The following IQGAP1 variants were observed in gnomAD, a reference collection of about 807,000 sequenced individuals.
IQGAP1 encodes the protein ras GTPase-activating-like protein IQGAP1.
IQGAP1 carries 66 observed loss-of-function variants against 215.6 expected under a neutral mutation model. The ratio of observed to expected loss-of-function variants is 0.31; its 90% CI spans 0.25 to 0.38. IQGAP1 has a LOEUF of 0.38. Among genes scored for constraint, IQGAP1 ranks in the 10% least tolerant of loss-of-function variants. The probability of loss-of-function intolerance (pLI) is 1.00; values close to 1 mark genes in which losing one functional copy is unlikely to be tolerated. For synonymous variants in IQGAP1, 772 were observed against 728.7 expected (o/e 1.06, Z -0.96); for missense variants, 1,712 against 1,997.1 (o/e 0.86, Z 2.72).
intron 2 of IQGAP1, among the ~76,000 whole-genome samples, chr15:90,413,577 G>A (rs1269674799): frequency 2.0e-4 from 30 of 152,186 alleles, no homozygotes; most frequent in Admixed American, 1.9e-3. Flanking sequence ...AGGGAGTTTC[G>A]GCATGGCATT....
At chr15:90,472,801 G>T (rs777935459) in intron 18 of IQGAP1, 39 bp from the exon 19 acceptor site, 1 of 1,567,706 alleles carries the variant, frequency 6.4e-7, no homozygotes, top group South Asian at 1.2e-5. Context: ...ATCCATTCTT[G>T]CCTGTGAATG....
intron 35 of IQGAP1, among the ~76,000 whole-genome samples, chr15:90,493,358 C>T (rs555852890): frequency 1.3e-5 from 2 of 152,276 alleles, no homozygotes; most frequent in African/African-American, 4.8e-5. Flanking sequence ...CCTCTCTATA[C>T]TTCCTGGGGA....
chr15:90,492,507 C>A, intron 34 of IQGAP1, 38 bp from the exon 35 acceptor site: 1 of 1,499,312 alleles, frequency 6.7e-7, no homozygotes, highest in South Asian at 1.2e-5. Flanking sequence ...ATAATGATAA[C>A]TGTCGTTATT....
At chr15:90,491,759 T>C in intron 34 of IQGAP1, 1 of 541,554 alleles carries the variant, frequency 1.8e-6, no homozygotes, top group Non-Finnish European at 3.3e-6. Context: ...GGACCTTAAC[T>C]GGAGCCTCCT....
At chr15:90,481,269 C>CTTTT (rs57452745) in intron 26 of IQGAP1, among the ~76,000 whole-genome samples, 2 of 113,178 alleles carry the variant, frequency 1.8e-5, no homozygotes, top group Non-Finnish European at 3.7e-5. Flanking sequence ...CTCTCTGCCT[C>CTTTT]TTTTTTTTTT....
chr15:90,462,988 G>A (rs1277483360), intron 15 of IQGAP1, among the ~76,000 whole-genome samples: 1 of 152,084 alleles, frequency 6.6e-6, no homozygotes, highest in Admixed American at 6.5e-5. Flanking sequence ...TTTACCAGAA[G>A]GATTTGGGTT....
chr15:90,451,266 G>A (rs1965600369), intron 11 of IQGAP1, among the ~76,000 whole-genome samples: 1 of 152,186 alleles, frequency 6.6e-6, no homozygotes. Flanking sequence ...GATACTTGAA[G>A]TGGGGTAATT....
chr15:90,483,515 C>T lies in IQGAP1; in HGVS notation c.3710C>T (p.Ser1237Phe), dbSNP rs1302934447. 6.2e-7 allele frequency: 1 copy of T among 1,614,150 alleles called. No homozygotes were observed. The highest frequency in any genetic ancestry group is 2.2e-5 in the East Asian group (1 of 44,890). The change falls in exon 29 of 38, where the codon TCC (serine) becomes TTC (phenylalanine). Residue 1237 changes from serine to phenylalanine, a missense_variant. This residue lies in a region of IQGAP1 where 691 missense variants were observed against 923.0 expected (regional missense o/e 0.75). Transcript: ENST00000268182. ...GCAAAAATGCTTCAGCATGCTGCTT[C>T]CAATAAGATGTTTCTGGGAGATAAT... Reference protein sequence around the residue: ...SIAKMLQHAASNKMFLGDNAH... With the variant: ...SIAKMLQHAAFNKMFLGDNAH...
chr15:90,453,905 A>G (rs927735667), intron 13 of IQGAP1, among the ~76,000 whole-genome samples: 1 of 152,202 alleles, frequency 6.6e-6, no homozygotes, highest in Non-Finnish European at 1.5e-5. Flanking sequence ...TTTTCCCACC[A>G]TCCCACCATT....
At chr15:90,454,813 A>G (rs2052872215) in intron 14 of IQGAP1, among the ~76,000 whole-genome samples, 1 of 152,250 alleles carries the variant, frequency 6.6e-6, no homozygotes, top group Admixed American at 6.5e-5. Context: ...TATAACAAGT[A>G]GTCCTGACAC....
intron 15 of IQGAP1, among the ~76,000 whole-genome samples, chr15:90,463,772 T>A (rs759347777): frequency 3.3e-5 from 5 of 152,220 alleles, no homozygotes; most frequent in African/African-American, 4.8e-5. Flanking sequence ...GGCCAGCACC[T>A]ACCATAATTA....
chr15:90,462,504 G>A (rs974455493), intron 15 of IQGAP1, among the ~76,000 whole-genome samples: 25 of 152,190 alleles, frequency 1.6e-4, no homozygotes, highest in Non-Finnish European at 3.5e-4. Context: ...GTGTGTTTAT[G>A]TGTGTATGTG....
At chr15:90,422,500 G>A (rs1965151236) in intron 2 of IQGAP1, among the ~76,000 whole-genome samples, 1 of 151,254 alleles carries the variant, frequency 6.6e-6, no homozygotes, top group Admixed American at 6.6e-5. Flanking sequence ...TAAGATAGGT[G>A]ACTTATTAAG....
intron 15 of IQGAP1, among the ~76,000 whole-genome samples, chr15:90,463,179 C>G (rs550940777): frequency 1.3e-4 from 20 of 152,272 alleles, no homozygotes; most frequent in African/African-American, 4.6e-4. Context: ...GCCTTTCATA[C>G]TATTGCTCTA....
intron 2 of IQGAP1, among the ~76,000 whole-genome samples, chr15:90,406,190 C>G (rs74916059): frequency 0.014 from 2,116 of 152,286 alleles, 40 homozygotes; most frequent in African/African-American, 0.048. Context: ...TTGTCAGATG[C>G]ATAACTTATG....
chr15:90,399,146 A>G (rs1436440844), intron 2 of IQGAP1, among the ~76,000 whole-genome samples: 1 of 150,494 alleles, frequency 6.6e-6, no homozygotes, highest in East Asian at 1.9e-4. Context: ...TTTTTTTTGT[A>G]GAGATGGGGT....
intron 15 of IQGAP1, 104 bp from the exon 16 acceptor site, chr15:90,465,897 T>C (rs1965824230): frequency 2.3e-6 from 2 of 883,952 alleles, no homozygotes; most frequent in African/African-American, 1.7e-5. Flanking sequence ...TTTTTAAGCC[T>C]GTTCTTCCAT....
At chr15:90,398,006 C>T (rs1964751940) in intron 2 of IQGAP1, 1 of 151,900 alleles carries the variant, frequency 6.6e-6, no homozygotes, top group Non-Finnish European at 1.5e-5. Context: ...GCCTCAGCCT[C>T]CCAAGTAGCT....
intron 19 of IQGAP1, 180 bp from the exon 20 acceptor site, chr15:90,473,535 C>T (rs1006753054): frequency 1.6e-4 from 92 of 583,362 alleles, no homozygotes; most frequent in Non-Finnish European, 9.5e-5. Context: ...ATGTAGCCAT[C>T]GTGTTCTTCC....
Sources: gnomAD v4.1 joint callset for allele counts (sites outside exome capture counted in the v4.1 genomes callset) on GRCh38, gnomAD v4.1.1 for gene constraint, gnomAD v4.1.1 regional missense constraint, MANE v1.5 for transcripts, NCBI Gene and HGNC (gene_info 2026-07-23, HGNC 2026-07-21) for gene names.